FBXL7: variants seen among roughly 807,000 people sequenced by gnomAD.
FBXL7 encodes F-box and leucine rich repeat protein 7.
A neutral mutation model predicts 38.3 loss-of-function variants in FBXL7; 12 were observed. The observed-to-expected ratio is 0.31, with a 90% CI of 0.20 to 0.51. The LOEUF (loss-of-function observed/expected upper bound fraction) is 0.51, where lower values mean the gene tolerates loss of function less well. Ranked by LOEUF, FBXL7 falls within the 20% of genes least tolerant of loss-of-function variation. The pLI is 0.98. For synonymous variants in FBXL7, 297 were observed against 300.9 expected, an observed-to-expected ratio of 0.99 and a Z score of 0.13; for missense variants, 567 against 676.4, an observed-to-expected ratio of 0.84 and a Z score of 1.79.
intron 2 of FBXL7, among the ~76,000 whole-genome samples, chr5:15,690,049 T>C (rs1743134706): frequency 6.6e-6 from 1 of 152,246 alleles, no homozygotes; most frequent in Admixed American, 6.5e-5. Flanking sequence ...TGCAAAATTG[T>C]TTCTTGTTGA....
Position 15,536,208 on chromosome 5 carries a change from C to T in FBXL7, c.37+35495C>T, listed in dbSNP as rs575194466. ...GCAGAAGTCTGCTGTGGAGCCCTCA[C>T]GGAGAGCCTCTGCTGGGGCAATGCG... On this transcript the variant is annotated intron_variant, in intron 1 of 3. Coordinates refer to ENST00000504595, the MANE Select transcript of FBXL7 (RefSeq NM_012304.5). 2.2e-4 allele frequency among the ~76,000 whole-genome samples: 34 copies of T among 152,340 alleles called. 1 individual carries two copies. The highest frequency in any genetic ancestry group is 1.5e-3 in the South Asian group (7 of 4,820).
At chr5:15,925,870 C>T (rs912709792) in intron 2 of FBXL7, among the ~76,000 whole-genome samples, 5 of 152,164 alleles carry the variant, frequency 3.3e-5, no homozygotes, top group African/African-American at 1.2e-4. Flanking sequence ...GATACACATT[C>T]AGTAGAAAGT....
rs1054750736 is a variant in FBXL7, at chr5:15,934,285, G to A, written c.740-2165G>A. 1.2e-4 allele frequency among the ~76,000 whole-genome samples: 18 copies of A among 152,254 alleles called. No homozygotes were observed. In the East Asian group the frequency reaches 2.7e-3, roughly 23 times the overall value. On this transcript the variant is annotated intron_variant, in intron 3 of 3. Transcript: ENST00000504595. The stretch of plus-strand genomic sequence containing the variant: ...CTCCCAAAGTGCTGGGATTGCAGGC[G>A]TGAGCCAACACACCCAGTCGGTTTT...
Position 15,792,640 on chromosome 5 carries a change from C to T in FBXL7, c.128-135250C>T, listed in dbSNP as rs139568953. On this transcript the variant is annotated intron_variant, in intron 2 of 3. Transcript: ENST00000504595. ...CAATGAGACCTGGACAGAAGGCGTC[C>T]GGCTTTCTCCAGGGGTCTGGAAAAC... Among the ~76,000 whole-genome samples, 10 of 152,246 alleles carry T rather than the reference C, an allele frequency of 6.6e-5. No individual in the cohort carries two copies. In the South Asian group the frequency reaches 8.3e-4, roughly 13 times the overall value.
intron 1 of FBXL7, among the ~76,000 whole-genome samples, chr5:15,573,297 C>T (rs1738846311): frequency 6.6e-6 from 1 of 152,110 alleles, no homozygotes; most frequent in Non-Finnish European, 1.5e-5. Context: ...TGTAGAGTGT[C>T]TACAAAAGCA....
chr5:15,904,675 C>G (rs1741312351), intron 2 of FBXL7, among the ~76,000 whole-genome samples: 1 of 151,898 alleles, frequency 6.6e-6, no homozygotes, highest in Non-Finnish European at 1.5e-5. Context: ...AAATTTTTCC[C>G]TAAAAAAATC....
At chr5:15,759,996 C>T (rs1736396648) in intron 2 of FBXL7, among the ~76,000 whole-genome samples, 1 of 152,128 alleles carries the variant, frequency 6.6e-6, no homozygotes, top group Non-Finnish European at 1.5e-5. Flanking sequence ...CCAATGACTG[C>T]CATAGAACCA....
At chr5:15,711,028 C>T (rs1023860018) in intron 2 of FBXL7, among the ~76,000 whole-genome samples, 5 of 152,144 alleles carry the variant, frequency 3.3e-5, no homozygotes, top group African/African-American at 4.8e-5. Flanking sequence ...CGAGATCTGA[C>T]GGTTCTAAAA....
At chr5:15,889,922 AACCCAGGCTG>A (rs909243158) in intron 2 of FBXL7, among the ~76,000 whole-genome samples, 24 of 152,364 alleles carry the variant, frequency 1.6e-4, no homozygotes, top group South Asian at 4.1e-4. Flanking sequence ...CAGGTGCTAT[AACCCAGGCTG>A]ACTTAAAAAG....
At chr5:15,514,674 G>T (rs1422852204) in intron 1 of FBXL7, among the ~76,000 whole-genome samples, 2 of 152,134 alleles carry the variant, frequency 1.3e-5, no homozygotes, top group African/African-American at 4.8e-5. Context: ...ACTTTGAGAA[G>T]ATTTGAGATG....
rs566546202 is a variant in FBXL7 at position 15,651,486 on chromosome 5, A to G, written c.127+35414A>G. Among the ~76,000 whole-genome samples, 119 of 152,312 alleles carry G rather than the reference A, an allele frequency of 7.8e-4. 1 individual carries two copies. Among genetic ancestry groups the G allele is most frequent in the African/African-American group, 2.7e-3 (114 of 41,564 alleles). On this transcript the variant is annotated intron_variant, in intron 2 of 3. Coordinates refer to ENST00000504595, the MANE Select transcript of FBXL7 (RefSeq NM_012304.5). ...TTGTGTTAGCAGGCATGGAAACAAC[A>G]TTAATCTACTTGTGCATCTCCATCA...
chr5:15,725,501 A>G (rs2126657021), intron 2 of FBXL7, among the ~76,000 whole-genome samples: 1 of 152,336 alleles, frequency 6.6e-6, no homozygotes, highest in South Asian at 2.1e-4. Context: ...TGGTCAGAAG[A>G]CATACTTTGT....
chr5:15,720,451 C>A (rs1410395723), intron 2 of FBXL7, among the ~76,000 whole-genome samples: 1 of 148,558 alleles, frequency 6.7e-6, no homozygotes, highest in Non-Finnish European at 1.5e-5. Context: ...TCATATAAAA[C>A]CATATTGTGC....
At chr5:15,882,246 T>A (rs1028569742) in intron 2 of FBXL7, among the ~76,000 whole-genome samples, 1 of 152,168 alleles carries the variant, frequency 6.6e-6, no homozygotes, top group African/African-American at 2.4e-5. Flanking sequence ...ATCACTAGCT[T>A]TACTTCTGAG....
intron 2 of FBXL7, among the ~76,000 whole-genome samples, chr5:15,706,877 C>T (rs977999167): frequency 1.3e-5 from 2 of 151,984 alleles, no homozygotes; most frequent in Non-Finnish European, 2.9e-5. Flanking sequence ...TTTGAGATGT[C>T]TTCCCGACAT....
rs1415542952 is a variant in FBXL7 at position 15,938,514 on chromosome 5, G to T, written c.*1328G>T. The T allele has an allele frequency of 6.6e-6, 1 of 152,532 alleles. No individual in the cohort carries two copies. The highest frequency in any genetic ancestry group is 1.5e-5 in the Non-Finnish European group (1 of 68,300). The allele number at this position is 152,532 out of a possible 1,614,324, so 9.4% of individuals were successfully genotyped here. A position where few individuals can be genotyped will look rare whatever the true frequency, so the allele number is the denominator to read the frequency against. ...CATGAAGCCTATTGGGGTTAAGTTT[G>T]TAAGTGTTTAATTGTGCAAATTGCC... On this transcript the variant is annotated 3_prime_UTR_variant, in exon 4 of 4. Transcript: ENST00000504595.
intron 2 of FBXL7, among the ~76,000 whole-genome samples, chr5:15,639,700 C>T (rs1741297274): frequency 6.6e-6 from 1 of 151,698 alleles, no homozygotes; most frequent in Non-Finnish European, 1.5e-5. Flanking sequence ...CAAGTTATTG[C>T]AAGGATTTGA....
intron 2 of FBXL7, among the ~76,000 whole-genome samples, chr5:15,733,668 G>T (rs55846254): frequency 0.016 from 2,434 of 152,202 alleles, 66 homozygotes; most frequent in African/African-American, 0.056. Context: ...TGTTGTGGAG[G>T]GTGAATGCAG....
rs1368387962 is a variant in FBXL7, at chr5:15,768,720, T to C, written c.127+152648T>C. ...AGAGCGTGGTCCACTCATGGTGTGG[T>C]GTGTTTCTCCACTAGTGCTGGTCCA... On this transcript the variant is annotated intron_variant, in intron 2 of 3. Transcript: ENST00000504595. Among the ~76,000 whole-genome samples the C allele has an allele frequency of 5.9e-5, 9 of 152,152 alleles. No individual in the cohort carries two copies. The East Asian group carries it at 1.7e-3, about 29-fold the overall frequency.
Sources: gnomAD v4.1 joint callset for allele counts (sites outside exome capture counted in the v4.1 genomes callset) on GRCh38, gnomAD v4.1.1 for gene constraint, MANE v1.5 for transcripts, NCBI Gene and HGNC (gene_info 2026-07-23, HGNC 2026-07-21) for gene names.